Variants in TMCC1 observed in about 807,000 individuals in gnomAD.
TMCC1 encodes transmembrane and coiled-coil domain family 1, also known as transmembrane and coiled-coil domains protein 1.
TMCC1 carries 15 observed loss-of-function variants against 52.4 expected under a neutral mutation model. That is an observed-to-expected ratio of 0.29 (90% CI 0.19 to 0.44). The LOEUF is 0.44. TMCC1 is among the 20% of genes least tolerant of loss of function. The pLI is 1.00. For missense variants in TMCC1, 503 were observed against 806.0 expected, an observed-to-expected ratio of 0.62 and a Z score of 4.55; for synonymous variants, 279 against 301.9, an observed-to-expected ratio of 0.92 and a Z score of 0.79.
intron 2 of TMCC1, among the ~76,000 whole-genome samples, chr3:129,834,457 T>C (rs924969669): frequency 6.6e-6 from 1 of 152,186 alleles, no homozygotes; most frequent in Admixed American, 6.6e-5. Context: ...ACAAGGGGGT[T>C]GTTGAAACCA....
intron 2 of TMCC1, among the ~76,000 whole-genome samples, chr3:129,871,111 C>G (rs549843245): frequency 6.6e-6 from 1 of 152,170 alleles, no homozygotes; most frequent in South Asian, 2.1e-4. Flanking sequence ...GTAATCCCAG[C>G]ACTTTGGAAA....
At position 129,801,570 on chromosome 3, in the gene TMCC1, T is replaced by C. The variant is rs534694441; in HGVS notation, c.576+26233A>G. 2.0e-5 allele frequency among the ~76,000 whole-genome samples: 3 copies of C among 152,290 alleles called. No homozygotes were observed. In the East Asian group the frequency reaches 5.8e-4, roughly 29 times the overall value. On this transcript the variant is annotated intron_variant, in intron 4 of 6. Transcript: ENST00000393238. ...TCTGCCCCCCAGGTTAAAGCAATTC[T>C]CCTGCTTCAGCCTCCTGAGTAGCTG...
At chr3:129,720,283 T>C (rs977971572) in intron 4 of TMCC1, among the ~76,000 whole-genome samples, 5 of 151,928 alleles carry the variant, frequency 3.3e-5, no homozygotes, top group Admixed American at 6.6e-5. Context: ...TCAGCAAATG[T>C]GACATGAACA....
chr3:129,886,060 G>A (rs2061685592), intron 1 of TMCC1, among the ~76,000 whole-genome samples: 2 of 152,064 alleles, frequency 1.3e-5, no homozygotes, highest in African/African-American at 4.8e-5. Flanking sequence ...AATGTTAAAT[G>A]CAATTCATAC....
At chr3:129,733,488 T>G (rs2050706877) in intron 4 of TMCC1, among the ~76,000 whole-genome samples, 1 of 152,230 alleles carries the variant, frequency 6.6e-6, no homozygotes, top group African/African-American at 2.4e-5. Flanking sequence ...TTTATTCTGC[T>G]GTCAGGTATA....
intron 1 of TMCC1, among the ~76,000 whole-genome samples, chr3:129,884,866 G>A (rs867504140): frequency 6.7e-6 from 1 of 150,210 alleles, no homozygotes; most frequent in South Asian, 2.1e-4. Context: ...CAGGCAGGGC[G>A]TAGTGGCTCA....
chr3:129,670,728 C>T lies in TMCC1; in HGVS notation c.1113G>A (p.Glu371=). 6.2e-7 allele frequency: 1 copy of T among 1,614,192 alleles called. No individual in the cohort carries two copies. The highest frequency in any genetic ancestry group is 8.5e-7 in the Non-Finnish European group (1 of 1,180,022). ...AAGAVVSKPR[E]IASLIRNKFG... The stretch of plus-strand genomic sequence containing the variant: ...ATTTGTTCCGAATGAGTGAGGCAAT[C>T]TCTCTGGGCTTTGAGACTACAGCGC... Residue 371 remains glutamate (E), a synonymous_variant, in exon 5 of 7, where the codon GAG becomes GAA. Coordinates refer to ENST00000393238, the MANE Select transcript of TMCC1 (RefSeq NM_001017395.5).
intron 4 of TMCC1, among the ~76,000 whole-genome samples, chr3:129,672,120 A>T (rs2087999042): frequency 6.6e-6 from 1 of 152,252 alleles, no homozygotes; most frequent in Non-Finnish European, 1.5e-5. Context: ...AACCATTCAA[A>T]GGAGTTGAAG....
chr3:129,678,678 T>C (rs2088691730), intron 4 of TMCC1, among the ~76,000 whole-genome samples: 1 of 152,074 alleles, frequency 6.6e-6, no homozygotes, highest in African/African-American at 2.4e-5. Flanking sequence ...TAATTCTTTA[T>C]AGTAACACTA....
intron 4 of TMCC1, chr3:129,688,270 A>G (rs896227136): frequency 1.0e-5 from 10 of 985,288 alleles, no homozygotes; most frequent in South Asian, 4.7e-5. Context: ...TGGTAAAAAA[A>G]AAAAAATCAC....
intron 4 of TMCC1, among the ~76,000 whole-genome samples, chr3:129,807,000 A>T (rs570558464): frequency 1.4e-4 from 22 of 152,306 alleles, no homozygotes; most frequent in South Asian, 4.1e-4. Context: ...TTAAATAAAT[A>T]ATATGAATAC....
intron 4 of TMCC1, among the ~76,000 whole-genome samples, chr3:129,687,307 AC>A (rs1248885648): frequency 1.3e-5 from 2 of 152,228 alleles, no homozygotes; most frequent in South Asian, 2.1e-4. Flanking sequence ...TAGAAAAAAA[AC>A]ATAAGAAATA....
At chr3:129,817,009 C>T (rs2058129776) in intron 4 of TMCC1, among the ~76,000 whole-genome samples, 1 of 151,896 alleles carries the variant, frequency 6.6e-6, no homozygotes, top group Non-Finnish European at 1.5e-5. Context: ...ACCTGGGTGA[C>T]AGAGCGAGAG....
intron 4 of TMCC1, among the ~76,000 whole-genome samples, chr3:129,796,663 T>C (rs1284779351): frequency 6.6e-6 from 1 of 151,886 alleles, no homozygotes; most frequent in Non-Finnish European, 1.5e-5. Context: ...CTACAAAAAA[T>C]AAGAATAAGA....
At chr3:129,655,520 T>C (rs2086614374) in intron 5 of TMCC1, among the ~76,000 whole-genome samples, 1 of 152,198 alleles carries the variant, frequency 6.6e-6, no homozygotes, top group Non-Finnish European at 1.5e-5. Flanking sequence ...AGTAGCTTAT[T>C]CCAGAACTGG....
At chr3:129,724,804 T>A (rs1348240417) in intron 4 of TMCC1, among the ~76,000 whole-genome samples, 2 of 152,182 alleles carry the variant, frequency 1.3e-5, no homozygotes, top group African/African-American at 2.4e-5. Flanking sequence ...AGTGACCCAA[T>A]AGTTTTATAA....
At chr3:129,700,774 CAA>C (rs568879021) in intron 4 of TMCC1, among the ~76,000 whole-genome samples, 13 of 99,542 alleles carry the variant, frequency 1.3e-4, no homozygotes, top group Admixed American at 3.1e-4. Context: ...TGCGCCCAGC[CAA>C]AAAAAAAAAA....
intron 4 of TMCC1, among the ~76,000 whole-genome samples, chr3:129,744,259 A>C (rs2051722637): frequency 6.6e-6 from 1 of 152,192 alleles, no homozygotes; most frequent in Non-Finnish European, 1.5e-5. Flanking sequence ...TGGTTGTCGT[A>C]GTTTTTAGAA....
intron 1 of TMCC1, chr3:129,893,105 C>T (rs2062049966): frequency 1.3e-5 from 2 of 152,390 alleles, no homozygotes; most frequent in South Asian, 4.1e-4. Flanking sequence ...GCTCCTAAAA[C>T]CCCAGATTCC....
Sources: allele counts gnomAD v4.1 joint callset (sites outside exome capture counted in the v4.1 genomes callset), GRCh38; gene constraint gnomAD v4.1.1; transcripts MANE v1.5; gene names NCBI Gene and HGNC (gene_info 2026-07-23, HGNC 2026-07-21).